RBL1: variants seen among roughly 807,000 people sequenced by gnomAD.
RBL1 encodes RB transcriptional corepressor like 1, also known as retinoblastoma-like protein 1.
A neutral mutation model predicts 123.0 loss-of-function variants in RBL1; 82 were observed. That is an observed-to-expected ratio of 0.67 (90% confidence interval 0.56 to 0.80). The LOEUF is 0.80. Ranked by LOEUF, RBL1 falls within the 30% of genes least tolerant of loss-of-function variation. The pLI is 0.00. For missense variants in RBL1, 1,171 were observed against 1,299.6 expected (o/e 0.90, Z 1.52); for synonymous variants, 405 against 441.3 (o/e 0.92, Z 1.03).
intron 21 of RBL1, among the ~76,000 whole-genome samples, chr20:37,002,722 C>A (rs1035504990): frequency 6.8e-6 from 1 of 147,058 alleles, no homozygotes; most frequent in African/African-American, 2.5e-5. Flanking sequence ...TGATTTTCAA[C>A]ATTTTTTTTT....
At chr20:37,067,318 C>G (rs764849588) in intron 3 of RBL1, 21 bp from the exon 4 acceptor site, 15 of 1,560,236 alleles carry the variant, frequency 9.6e-6, no homozygotes. Context: ...AAAAAAATTA[C>G]TTTTTGTCTG....
chr20:37,035,143 A>G (rs1448302881), intron 15 of RBL1, 99 bp downstream of exon 15: 1 of 1,247,506 alleles, frequency 8.0e-7, no homozygotes, highest in African/African-American at 1.5e-5. Context: ...GGTTCAAGAA[A>G]AAATAATGAG....
chr20:37,054,325 A>G (rs546489657), intron 11 of RBL1, among the ~76,000 whole-genome samples: 1 of 152,116 alleles, frequency 6.6e-6, no homozygotes, highest in Admixed American at 6.6e-5. Flanking sequence ...TCTACTAAAA[A>G]TACGAAAAAA....
intron 11 of RBL1, among the ~76,000 whole-genome samples, chr20:37,053,856 C>G (rs1203862429): frequency 6.6e-6 from 1 of 151,954 alleles, no homozygotes; most frequent in East Asian, 1.9e-4. Context: ...TACAATATAA[C>G]TAAAACAAAT....
intron 19 of RBL1, among the ~76,000 whole-genome samples, chr20:37,015,815 GC>G (rs2064241562): frequency 6.8e-6 from 1 of 147,770 alleles, no homozygotes; most frequent in Non-Finnish European, 1.5e-5. Flanking sequence ...AACCTCTGCC[GC>G]CCAAGTTCAA....
intron 11 of RBL1, among the ~76,000 whole-genome samples, chr20:37,051,271 T>C (rs2146278271): frequency 6.6e-6 from 1 of 152,156 alleles, no homozygotes; most frequent in East Asian, 1.9e-4. Context: ...AACCTCTGCC[T>C]CCTGGGTTAA....
At chr20:37,059,144 T>G (rs2065056902) in intron 9 of RBL1, among the ~76,000 whole-genome samples, 1 of 152,250 alleles carries the variant, frequency 6.6e-6, no homozygotes, top group Non-Finnish European at 1.5e-5. Context: ...TATTCATGTT[T>G]GAACAGTAGT....
Position 37,055,312 on chromosome 20 carries a change from A to G in RBL1, c.1467+241T>C, listed in dbSNP as rs1349143489. Among the ~76,000 whole-genome samples, 5 of 3,380 alleles carry G rather than the reference A, an allele frequency of 1.5e-3. 1 individual carries two copies. In the Admixed American group the frequency reaches 0.026, roughly 17 times the overall value. The allele number at this position is 3,380 out of a possible 152,430, so 2.2% of individuals were successfully genotyped here. On this transcript the variant is annotated intron_variant, in intron 11 of 21. Transcript: ENST00000373664. ...CACTAGCTGGGAATGAAGGACAGAA[A>G]AAAAAAAAAAAAAAAAAAACACTTA...
chr20:37,089,174 C>T, intron 1 of RBL1, 52 bp from the exon 2 acceptor site: 2 of 1,480,304 alleles, frequency 1.4e-6, no homozygotes, highest in Non-Finnish European at 1.8e-6. Context: ...TGTTAAAATG[C>T]TTTAATTCTA....
At chr20:37,069,976 C>T (rs1600576720) in intron 2 of RBL1, among the ~76,000 whole-genome samples, 1 of 152,152 alleles carries the variant, frequency 6.6e-6, no homozygotes, top group Non-Finnish European at 1.5e-5. Flanking sequence ...GTGTGCCCAA[C>T]AGCTCATTGA....
At chr20:37,039,933 A>T (rs1328100542) in intron 14 of RBL1, among the ~76,000 whole-genome samples, 1 of 152,086 alleles carries the variant, frequency 6.6e-6, no homozygotes, top group Non-Finnish European at 1.5e-5. Flanking sequence ...TATTAAATAA[A>T]TTACATTTAA....
intron 2 of RBL1, among the ~76,000 whole-genome samples, chr20:37,068,460 C>T (rs889312664): frequency 1.3e-5 from 2 of 151,710 alleles, no homozygotes; most frequent in Admixed American, 6.6e-5. Context: ...TACTCCAGCC[C>T]GGGTGACAAA....
Position 37,095,886 on chromosome 20 carries a change from C to T in RBL1, c.43G>A (p.Ala15Thr). Residue 15 changes from alanine to threonine, a missense_variant, in exon 1 of 22, where the codon GCC becomes ACC. Physicochemically the swap from Ala to Thr is moderately conservative, Grantham distance 58. Coordinates refer to ENST00000373664, the MANE Select transcript of RBL1 (RefSeq NM_002895.5). ...GCCTGTAGCGCCTCCCCGGCTGCGG[C>T]GACCACCGCCGCCCCCTCAGCGTGG... The part of the protein sequence containing the change: ...KPHAEGAAVV[A>T]AAGEALQALC... 6.2e-7 allele frequency: 1 copy of T among 1,602,402 alleles called. No individual in the cohort carries two copies. The highest frequency in any genetic ancestry group is 1.1e-5 in the South Asian group (1 of 89,786).
At chr20:37,072,605 G>A (rs1467069160) in intron 2 of RBL1, among the ~76,000 whole-genome samples, 1 of 152,194 alleles carries the variant, frequency 6.6e-6, no homozygotes, top group Non-Finnish European at 1.5e-5. Context: ...CCACTAAACA[G>A]ATCAGCTTTA....
At chr20:37,055,323 A>G (rs1003018442) in intron 11 of RBL1, among the ~76,000 whole-genome samples, 1 of 151,986 alleles carries the variant, frequency 6.6e-6, no homozygotes, top group African/African-American at 2.4e-5. Flanking sequence ...AAAAAAAAAA[A>G]AAAAAAAACA....
Position 37,066,700 on chromosome 20 carries a change from G to A in RBL1, c.846+24C>T, listed in dbSNP as rs1015506460. 3 of 1,587,214 alleles carry A rather than the reference G, an allele frequency of 1.9e-6. No homozygotes were observed. The African/African-American group carries it at 4.1e-5, about 21-fold the overall frequency. ...TTACTGGTGATCTGTAAACATCTCA[G>A]TCATCTAATTATAAGTACAGTACCT... On this transcript the variant is annotated intron_variant, in intron 6 of 21. Coordinates refer to ENST00000373664, the MANE Select transcript of RBL1 (RefSeq NM_002895.5).
intron 19 of RBL1, among the ~76,000 whole-genome samples, chr20:37,015,479 A>T (rs2064234965): frequency 6.7e-6 from 1 of 149,944 alleles, no homozygotes; most frequent in Non-Finnish European, 1.5e-5. Flanking sequence ...CGCCCAGGGT[A>T]GAGTGCAGTG....
chr20:37,050,544 CAAAAAAAAAAAAAAAAAA>C (rs148834732), intron 11 of RBL1, among the ~76,000 whole-genome samples: 1 of 10,944 alleles, frequency 9.1e-5, no homozygotes, highest in Admixed American at 1.3e-3. Flanking sequence ...GACTCTGTCT[CAAAAAAAAAAAAAAAAAA>C]AAAAAAAAAG....
rs1278901540 is a variant in RBL1, at chr20:37,003,709, G to A, written c.3029C>T (p.Pro1010Leu). The A allele has an allele frequency of 3.7e-6, 6 of 1,608,160 alleles. No homozygotes were observed. The African/African-American group carries it at 5.4e-5, about 14-fold the overall frequency. ...SALLYKFNGS[P>L]SKSLKDINNM... is the part of the protein sequence containing the mutation. ...TTAGCCTATTCACCTTACCTTAGAAGGGCTGCCATTGAACTTGTACAGCAG... is the reference window on the plus strand; with the variant it reads ...TTAGCCTATTCACCTTACCTTAGAAAGGCTGCCATTGAACTTGTACAGCAG... Residue 1010 changes from proline to leucine, a missense_variant, in exon 21 of 22, where the codon CCT becomes CTT. By Grantham distance (98) the Pro-to-Leu change is moderately conservative. Coordinates refer to ENST00000373664, the MANE Select transcript of RBL1 (RefSeq NM_002895.5).
Sources: allele counts gnomAD v4.1 joint callset (sites outside exome capture counted in the v4.1 genomes callset), GRCh38; gene constraint gnomAD v4.1.1; transcripts MANE v1.5; gene names NCBI Gene and HGNC (gene_info 2026-07-23, HGNC 2026-07-21).